Variants in KIF14 observed in about 807,000 individuals in gnomAD.
The protein encoded by KIF14 is kinesin family member 14.
Under a neutral mutation model 176.2 loss-of-function variants are expected in KIF14, and 98 were observed. The observed-to-expected ratio is 0.56, with a 90% CI of 0.47 to 0.66. KIF14 has a LOEUF of 0.66. Ranked by LOEUF, KIF14 falls within the 30% of genes least tolerant of loss-of-function variation. The pLI is 0.00. For synonymous variants in KIF14, 566 were observed against 632.2 expected, an observed-to-expected ratio of 0.90 and a Z score of 1.57; for missense variants, 1,751 against 1,920.4, an observed-to-expected ratio of 0.91 and a Z score of 1.65.
In KIF14 at chr1:200,553,351, T is replaced by C; in HGVS notation, c.*37A>G. 3.3e-6 allele frequency: 5 copies of C among 1,528,670 alleles called. No homozygotes were observed. The highest frequency in any genetic ancestry group is 4.4e-6 in the Non-Finnish European group (5 of 1,140,888). The allele number at this position is 1,528,670 out of a possible 1,614,324, so 94.7% of individuals were successfully genotyped here. A position where few individuals can be genotyped will look rare whatever the true frequency, so the allele number is the denominator to read the frequency against. ...ATTACCGAGCAAGTGTTCTTTTTCT[T>C]TCATGGGTGGTCATAAAAGTGCCTA... On this transcript the variant is annotated 3_prime_UTR_variant, in exon 30 of 30. Transcript: ENST00000367350.
chr1:200,576,477 C>CG (rs576387999), intron 21 of KIF14, among the ~76,000 whole-genome samples: 36 of 87,484 alleles, frequency 4.1e-4, no homozygotes, highest in East Asian at 1.3e-3. Flanking sequence ...GACTCCGTCT[C>CG]AAAAAAAAAA....
At chr1:200,579,124 C>T (rs1658303092) in intron 21 of KIF14, among the ~76,000 whole-genome samples, 1 of 151,850 alleles carries the variant, frequency 6.6e-6, no homozygotes, top group Admixed American at 6.6e-5. Flanking sequence ...AGGAAATGAA[C>T]ACATACTTTA....
Position 200,600,094 on chromosome 1 carries a change from C to T in KIF14, c.2320G>A (p.Glu774Lys). ...TGAAGTTTTCTTTTTTCAGCTTGTT[C>T]AAACTTTTCTTTCCACACTCTTTCC... The part of the protein sequence containing the change: ...EMQRVWKEKF[E>K]QAEKRKLQET... The change falls in exon 13 of 30, where the codon GAA (glutamate) becomes AAA (lysine). Residue 774 changes from glutamate to lysine, a missense_variant. Glu to Lys is a moderately conservative substitution (Grantham distance 56). Coordinates refer to ENST00000367350, the MANE Select transcript of KIF14 (RefSeq NM_014875.3). The T allele has an allele frequency of 6.3e-7, 1 of 1,599,722 alleles. No individual in the cohort carries two copies. The highest frequency in any genetic ancestry group is 8.6e-7 in the Non-Finnish European group (1 of 1,169,466).
chr1:200,608,856 C>G lies in KIF14; in HGVS notation c.1528G>C (p.Asp510His). 1 of 1,607,366 alleles carries G rather than the reference C, an allele frequency of 6.2e-7. No homozygotes were observed. The highest frequency in any genetic ancestry group is 8.5e-7 in the Non-Finnish European group (1 of 1,174,484). The change falls in exon 5 of 30, where the codon GAT (aspartate) becomes CAT (histidine). Residue 510 changes from aspartate to histidine, a missense_variant. Physicochemically the swap from Asp to His is moderately conservative, Grantham distance 81. Coordinates refer to ENST00000367350, the MANE Select transcript of KIF14 (RefSeq NM_014875.3). ...EKIHDLLVCK[D>H]ENGQRKQPLR... ...GGTTGCTTTCTCTGCCCATTTTCAT[C>G]TTTACAAACCAGAAGGTCGTGAATT...
chr1:200,580,059 A>G (rs1471427786), intron 21 of KIF14, among the ~76,000 whole-genome samples, 195 bp downstream of exon 21: 1 of 152,112 alleles, frequency 6.6e-6, no homozygotes, highest in East Asian at 1.9e-4. Context: ...CTCCATTTAA[A>G]TGTAAAAATA....
rs1183686680 is a variant in KIF14 at position 200,618,055 on chromosome 1, G to C, written c.669C>G (p.Ser223=). Residue 223 remains serine, a synonymous_variant, in exon 2 of 30, where the codon TCC becomes TCG. Transcript: ENST00000367350. ...KYSSNRPPIA[S]LSQTEVVRSG... is the part of the protein sequence containing the mutation. ...ATCTAACAACTTCAGTCTGACTCAG[G>C]GAAGCAATGGGTGGTCTATTACTTG... The C allele has an allele frequency of 1.2e-6, 2 of 1,613,948 alleles. No individual in the cohort carries two copies. The highest frequency in any genetic ancestry group is 1.7e-6 in the Non-Finnish European group (2 of 1,180,008).
chr1:200,557,669 TAC>T (rs1185801605), intron 27 of KIF14, among the ~76,000 whole-genome samples: 4 of 152,148 alleles, frequency 2.6e-5, no homozygotes, highest in African/African-American at 9.7e-5. Context: ...CTCTGTGGCT[TAC>T]ACAGTTTCAC....
In KIF14 at chr1:200,601,984, T is replaced by C. The variant is rs763424442; in HGVS notation, c.2064A>G (p.Thr688=). ...ISPAASNIEE[T]LSTLRYANQA... ...GGTTAGCATATCTAAGTGTGCTTAA[T>C]GTTTCTTCTATGTTGCTGGCAGCGG... The change falls in exon 11 of 30, where the codon ACA becomes ACG. Residue 688 remains threonine (T), a synonymous_variant. Transcript: ENST00000367350. 2.7e-5 allele frequency: 43 copies of C among 1,613,892 alleles called. No homozygotes were observed. Among genetic ancestry groups the C allele is most frequent in the African/African-American group, 1.3e-5 (1 of 74,930 alleles).
chr1:200,586,255 A>G, intron 18 of KIF14, 28 bp from the exon 19 acceptor site: 1 of 1,505,416 alleles, frequency 6.6e-7, no homozygotes, highest in African/African-American at 1.4e-5. Context: ...ATACAGACCC[A>G]CATGTGAGAA....
In KIF14 at chr1:200,553,629, T is replaced by G. The variant is rs1320510422; in HGVS notation, c.4706A>C (p.Gln1569Pro). ...AGACTTAGCTAGAGATTCTAGTTCC[T>G]GGTGGACAATGTGAGTTACTCTACT... ...YESRVTHIVH[Q>P]ELESLAKSLL... is the part of the protein sequence containing the mutation. Residue 1569 changes from glutamine to proline, a missense_variant, in exon 30 of 30, where the codon CAG becomes CCG. By Grantham distance (76) the Gln-to-Pro change is moderately conservative. Transcript: ENST00000367350. The G allele has an allele frequency of 6.2e-7, 1 of 1,614,002 alleles. No homozygotes were observed. The highest frequency in any genetic ancestry group is 8.5e-7 in the Non-Finnish European group (1 of 1,180,006).
intron 5 of KIF14, among the ~76,000 whole-genome samples, chr1:200,608,371 T>TC (rs1156692552): frequency 2.6e-5 from 4 of 151,180 alleles, no homozygotes; most frequent in East Asian, 1.9e-4. Flanking sequence ...TCTTTTCTTT[T>TC]TTTTTTTTTT....
intron 18 of KIF14, 24 bp from the exon 19 acceptor site, chr1:200,586,251 A>G (rs1571512946): frequency 6.6e-7 from 1 of 1,516,998 alleles, no homozygotes; most frequent in South Asian, 1.3e-5. Context: ...ATTCATACAG[A>G]CCCACATGTG....
intron 22 of KIF14, among the ~76,000 whole-genome samples, chr1:200,572,529 G>A (rs995005935): frequency 6.6e-6 from 1 of 152,076 alleles, no homozygotes; most frequent in Non-Finnish European, 1.5e-5. Flanking sequence ...ATTTTTAGTA[G>A]AGACGGGGTT....
At chr1:200,614,790 C>CAAAAAAA (rs67447333) in intron 3 of KIF14, among the ~76,000 whole-genome samples, 4 of 74,876 alleles carry the variant, frequency 5.3e-5, no homozygotes, top group African/African-American at 1.7e-4. Flanking sequence ...AACCTTGCTA[C>CAAAAAAA]AAAAAAAAAA....
At position 200,554,644 on chromosome 1, in the gene KIF14, A is replaced by G. The variant is rs1270654965; in HGVS notation, c.4429-38T>C. The G allele has an allele frequency of 7.3e-6, 8 of 1,099,382 alleles. No individual in the cohort carries two copies. The South Asian group carries it at 1.2e-4, about 16-fold the overall frequency. 68.1% of individuals were successfully genotyped at this position (1,099,382 alleles called of 1,614,324 possible). On this transcript the variant is annotated intron_variant, in intron 28 of 29. Transcript: ENST00000367350. ...AGTTAATATTTAAAATAATACATTAACAGGCTCAATGGCAGTAAGGCTCAG... is the reference window on the plus strand; with the variant it reads ...AGTTAATATTTAAAATAATACATTAGCAGGCTCAATGGCAGTAAGGCTCAG...
At position 200,552,873 on chromosome 1, in the gene KIF14, A is replaced by T. The variant is rs1026638001; in HGVS notation, c.*515T>A. 2.6e-5 allele frequency: 4 copies of T among 152,002 alleles called. No individual in the cohort carries two copies. Among genetic ancestry groups the T allele is most frequent in the African/African-American group, 9.7e-5 (4 of 41,390 alleles). The allele number at this position is 152,002 out of a possible 1,614,324, so 9.4% of individuals were successfully genotyped here. On this transcript the variant is annotated 3_prime_UTR_variant, in exon 30 of 30. Transcript: ENST00000367350. ...TATAAACGACTAATGAACCAACTAC[A>T]GACAGTATACCAATGTTAAACACTT... is the stretch of plus-strand genomic sequence containing the variant.
chr1:200,597,890 G>A (rs1224493231), intron 14 of KIF14, among the ~76,000 whole-genome samples: 1 of 152,046 alleles, frequency 6.6e-6, no homozygotes, highest in African/African-American at 2.4e-5. Context: ...TTCACATAAA[G>A]TAACATTTTT....
chr1:200,599,978 G>T (rs1659544118), intron 13 of KIF14, 72 bp downstream of exon 13: 3 of 857,114 alleles, frequency 3.5e-6, no homozygotes, highest in South Asian at 1.6e-5. Context: ...ACATGCATTG[G>T]CATATTGGCA....
At chr1:200,605,738 C>G (rs973683625) in intron 7 of KIF14, 126 bp downstream of exon 7, 3 of 603,490 alleles carry the variant, frequency 5.0e-6, no homozygotes, top group Non-Finnish European at 8.4e-6. Context: ...TTAACAAAAT[C>G]GGTTTGTGAT....
Sources: gnomAD v4.1 joint callset for allele counts (sites outside exome capture counted in the v4.1 genomes callset) on GRCh38, gnomAD v4.1.1 for gene constraint, MANE v1.5 for transcripts, NCBI Gene and HGNC (gene_info 2026-07-23, HGNC 2026-07-21) for gene names.